SYN2: variants seen among roughly 807,000 people sequenced by gnomAD.
SYN2 encodes synapsin II, also known as synapsin-2.
In SYN2, 19 loss-of-function variants were observed where a neutral mutation model predicts 50.9. That is an observed-to-expected ratio of 0.37 (90% CI 0.26 to 0.55). The LOEUF (loss-of-function observed/expected upper bound fraction) is 0.55, where lower values mean the gene tolerates loss of function less well. Among genes scored for constraint, SYN2 ranks in the 20% least tolerant of loss-of-function variants. The pLI is 0.81. For missense variants in SYN2, 587 were observed against 576.4 expected, an observed-to-expected ratio of 1.02 and a Z score of -0.19; for synonymous variants, 255 against 224.9, an observed-to-expected ratio of 1.13 and a Z score of -1.20.
intron 1 of SYN2, among the ~76,000 whole-genome samples, chr3:12,066,889 CT>C (rs1695228317): frequency 1.3e-5 from 2 of 152,272 alleles, no homozygotes; most frequent in South Asian, 2.1e-4. Context: ...GGTATCACTT[CT>C]CGGCCTTTTG....
chr3:12,153,490 G>A (rs753815540), intron 5 of SYN2: 44 of 1,611,906 alleles, frequency 2.7e-5, no homozygotes, highest in Non-Finnish European at 3.5e-5. Flanking sequence ...GACTCTTGAA[G>A]GGATGTGATG....
chr3:12,145,603 T>A, intron 3 of SYN2, 76 bp from the exon 4 acceptor site: 3 of 1,532,938 alleles, frequency 2.0e-6, no homozygotes, highest in Non-Finnish European at 2.7e-6. Flanking sequence ...TATCTTGGGT[T>A]TTGGAAATGG....
intron 1 of SYN2, among the ~76,000 whole-genome samples, chr3:12,025,770 A>G (rs1241116341): frequency 1.3e-5 from 2 of 152,146 alleles, no homozygotes; most frequent in East Asian, 1.9e-4. Flanking sequence ...CCACCCAACC[A>G]GGCACCTCCC....
At chr3:12,117,817 G>A (rs1443931131) in intron 1 of SYN2, among the ~76,000 whole-genome samples, 1 of 152,168 alleles carries the variant, frequency 6.6e-6, no homozygotes, top group Admixed American at 6.5e-5. Context: ...CCATAGACAG[G>A]AGTCAGCCTT....
At chr3:12,122,458 G>C (rs975708613) in intron 1 of SYN2, among the ~76,000 whole-genome samples, 2 of 152,148 alleles carry the variant, frequency 1.3e-5, no homozygotes, top group Non-Finnish European at 2.9e-5. Flanking sequence ...CTGGGGCTTT[G>C]ATTGTAATAC....
chr3:12,137,427 C>T (rs1373261681), intron 1 of SYN2, among the ~76,000 whole-genome samples: 1 of 152,176 alleles, frequency 6.6e-6, no homozygotes, highest in Admixed American at 6.5e-5. Context: ...AAAACCGTAA[C>T]TGTGTCTGTT....
At chr3:12,112,312 G>T (rs1050603313) in intron 1 of SYN2, among the ~76,000 whole-genome samples, 1 of 152,144 alleles carries the variant, frequency 6.6e-6, no homozygotes, top group Admixed American at 6.5e-5. Context: ...TTCACAGTCA[G>T]ATTCAATGAA....
chr3:12,070,019 G>A lies in SYN2; in HGVS notation c.377+65091G>A, dbSNP rs192421293. Among the ~76,000 whole-genome samples the A allele has an allele frequency of 6.1e-3, 925 of 151,766 alleles. 9 individuals are homozygous for A. Among genetic ancestry groups the A allele is most frequent in the South Asian group, 0.014 (67 of 4,794 alleles). The stretch of plus-strand genomic sequence containing the variant: ...TTGCAGTGTTGCCCAGGTTGGTCTC[G>A]AATTCCTCAAACTCAAGTGATCCTC... On this transcript the variant is annotated intron_variant, in intron 1 of 12. Coordinates refer to ENST00000621198, the MANE Select transcript of SYN2 (RefSeq NM_133625.6).
intron 9 of SYN2, among the ~76,000 whole-genome samples, chr3:12,169,488 T>C (rs1697886631): frequency 6.6e-6 from 1 of 152,192 alleles, no homozygotes. Context: ...GCTTTCTACC[T>C]CTTCTGGCTA....
rs1252150876 is a variant in SYN2 at position 12,145,673 on chromosome 3, C to T, written c.528-6C>T. 1.2e-6 allele frequency: 2 copies of T among 1,613,580 alleles called. No homozygotes were observed. Among genetic ancestry groups the T allele is most frequent in the Non-Finnish European group, 1.7e-6 (2 of 1,179,698 alleles). On this transcript the variant is annotated splice_region_variant and splice_polypyrimidine_tract_variant and intron_variant, in intron 3 of 12. Transcript: ENST00000621198. ...AATGGCAAACCTGCCTCTACCTTCT[C>T]ACCAGGTCCTTCCGGCCAGACTTCG...
chr3:12,098,880 T>TATATATATATATATATAA (rs1553614789), intron 1 of SYN2, among the ~76,000 whole-genome samples: 2 of 145,516 alleles, frequency 1.4e-5, no homozygotes, highest in South Asian at 2.2e-4. Context: ...TATATATATA[T>TATATATATATATATATAA]AATGCAAATA....
intron 1 of SYN2, among the ~76,000 whole-genome samples, chr3:12,009,068 CAAAT>C (rs1486284923): frequency 1.3e-5 from 2 of 152,320 alleles, no homozygotes; most frequent in East Asian, 1.9e-4. Flanking sequence ...AAAGAACACT[CAAAT>C]AAGGTTTGGG....
intron 1 of SYN2, among the ~76,000 whole-genome samples, chr3:12,094,956 C>T (rs1695898966): frequency 6.6e-6 from 1 of 152,068 alleles, no homozygotes; most frequent in South Asian, 2.1e-4. Flanking sequence ...AGATCTGAAA[C>T]AAAGATACAG....
At chr3:12,121,906 A>G (rs908180819) in intron 1 of SYN2, among the ~76,000 whole-genome samples, 2 of 152,140 alleles carry the variant, frequency 1.3e-5, no homozygotes, top group African/African-American at 2.4e-5. Context: ...AATTGGTAAG[A>G]CGGGGCAGCA....
At chr3:12,008,132 G>C (rs763220921) in intron 1 of SYN2, among the ~76,000 whole-genome samples, 1 of 152,188 alleles carries the variant, frequency 6.6e-6, no homozygotes, top group African/African-American at 2.4e-5. Context: ...TCTTCTGTGT[G>C]TTATACTCTC....
intron 1 of SYN2, among the ~76,000 whole-genome samples, chr3:12,127,781 C>G (rs2125207004): frequency 6.6e-6 from 1 of 152,290 alleles, no homozygotes; most frequent in Non-Finnish European, 1.5e-5. Flanking sequence ...AAAAGAGGAT[C>G]AAGTCTCCTT....
At chr3:12,118,440 A>G (rs1696482470) in intron 1 of SYN2, among the ~76,000 whole-genome samples, 1 of 152,214 alleles carries the variant, frequency 6.6e-6, no homozygotes, top group Non-Finnish European at 1.5e-5. Context: ...CACATGTGGA[A>G]AGAAGTCTTA....
chr3:12,095,371 CCTCGT>C (rs1459358821), intron 1 of SYN2, among the ~76,000 whole-genome samples: 1 of 145,670 alleles, frequency 6.9e-6, no homozygotes, highest in Non-Finnish European at 1.5e-5. Flanking sequence ...CACAGTGAAA[CCTCGT>C]CTCTACTAAA....
intron 10 of SYN2, among the ~76,000 whole-genome samples, chr3:12,182,424 C>G (rs1363683757): frequency 6.6e-6 from 1 of 152,214 alleles, no homozygotes; most frequent in African/African-American, 2.4e-5. Flanking sequence ...CAAACGTTCA[C>G]TGCCTCTAAT....
Sources: gnomAD v4.1 joint callset for allele counts (sites outside exome capture counted in the v4.1 genomes callset) on GRCh38, gnomAD v4.1.1 for gene constraint, MANE v1.5 for transcripts, NCBI Gene and HGNC (gene_info 2026-07-23, HGNC 2026-07-21) for gene names.